ABCC12: variants seen among roughly 807,000 people sequenced by gnomAD.
ABCC12 encodes the protein ATP binding cassette subfamily C member 12.
A neutral mutation model predicts 151.1 loss-of-function variants in ABCC12; 142 were observed. That is an observed-to-expected ratio of 0.94 (90% CI 0.82 to 1.08). ABCC12 has a LOEUF of 1.08. ABCC12 is among the 50% of genes least tolerant of loss of function. ABCC12 has a pLI of 0.00. For synonymous variants in ABCC12, 645 were observed against 646.4 expected (o/e 1.00, Z 0.03); for missense variants, 1,638 against 1,691.1 (o/e 0.97, Z 0.55).
In ABCC12 at chr16:48,115,477, C is replaced by G. The variant is rs1963845904; in HGVS notation, c.1927G>C (p.Glu643Gln). The change falls in exon 15 of 31, where the codon GAG becomes CAG. Residue 643 changes from glutamate to glutamine, a missense_variant. Physicochemically the swap from Glu to Gln is conservative, Grantham distance 29 (BLOSUM62 2). Coordinates refer to ENST00000311303, the MANE Select transcript of ABCC12 (RefSeq NM_001393797.1). ...VDAHVGKHVFEECIKKTLRGK... is the reference protein window; with the variant it reads ...VDAHVGKHVFQECIKKTLRGK... ...CTGAGCGTCTTCTTAATGCACTCCT[C>G]AAAGACGTGCTTCCCCACGTGGGCG... 6.2e-7 allele frequency: 1 copy of G among 1,614,230 alleles called. No individual in the cohort carries two copies. Among genetic ancestry groups the G allele is most frequent in the Non-Finnish European group, 8.5e-7 (1 of 1,180,044 alleles).
At chr16:48,115,989 G>T (rs1963871747) in intron 14 of ABCC12, among the ~76,000 whole-genome samples, 1 of 152,222 alleles carries the variant, frequency 6.6e-6, no homozygotes, top group South Asian at 2.1e-4. Flanking sequence ...GAATGCAGCA[G>T]TGAACCAGAG....
rs1444738765 is a variant in ABCC12 at position 48,082,128 on chromosome 16, C to T, written c.*1587G>A. Among the ~76,000 whole-genome samples the T allele has an allele frequency of 6.6e-6, 1 of 152,204 alleles. No homozygotes were observed. The highest frequency in any genetic ancestry group is 1.5e-5 in the Non-Finnish European group (1 of 68,042). ...ACACTGTGTCCCTTCACAGAGAGAT[C>T]CACACTTGGCCTGGAGCTGCCCACA... On this transcript the variant is annotated 3_prime_UTR_variant, in exon 31 of 31. Coordinates refer to ENST00000311303, the MANE Select transcript of ABCC12 (RefSeq NM_001393797.1).
chr16:48,128,786 A>G (rs2150651282), intron 10 of ABCC12, 49 bp from the exon 11 acceptor site: 1 of 1,578,810 alleles, frequency 6.3e-7, no homozygotes, highest in Admixed American at 1.7e-5. Flanking sequence ...TCCATTTGCA[A>G]GAATCATCCC....
chr16:48,141,807 A>G (rs1567457860), intron 4 of ABCC12, among the ~76,000 whole-genome samples: 1 of 152,158 alleles, frequency 6.6e-6, no homozygotes, highest in South Asian at 2.1e-4. Context: ...ACCTTGGGGG[A>G]CTTCACAAGA....
intron 2 of ABCC12, among the ~76,000 whole-genome samples, chr16:48,149,483 C>A (rs1037382086): frequency 2.0e-5 from 3 of 151,978 alleles, no homozygotes; most frequent in Non-Finnish European, 4.4e-5. Context: ...TATAAACACA[C>A]AAATAAGCTA....
intron 6 of ABCC12, 43 bp from the exon 7 acceptor site, chr16:48,139,379 T>G (rs759683509): frequency 3.2e-6 from 5 of 1,543,650 alleles, no homozygotes; most frequent in Admixed American, 4.2e-5. Context: ...GAAGAGTCAG[T>G]CAAACATGTC....
At chr16:48,086,482 A>G in intron 28 of ABCC12, 1 of 368,688 alleles carries the variant, frequency 2.7e-6, no homozygotes, top group Non-Finnish European at 5.0e-6. Flanking sequence ...TAGGGGTAAG[A>G]GTACCAACCT....
chr16:48,081,660 C>T lies in ABCC12; in HGVS notation c.*2055G>A, dbSNP rs530833361. On this transcript the variant is annotated 3_prime_UTR_variant, in exon 31 of 31. Coordinates refer to ENST00000311303, the MANE Select transcript of ABCC12 (RefSeq NM_001393797.1). ...GAAAAAATGCTTGTCACAGTCCTGGCACACTGCAAGGTCTCAGTAGACATC... is the reference window on the plus strand; with the variant it reads ...GAAAAAATGCTTGTCACAGTCCTGGTACACTGCAAGGTCTCAGTAGACATC... 1.3e-3 allele frequency among the ~76,000 whole-genome samples: 196 copies of T among 152,324 alleles called. No individual in the cohort carries two copies. Among genetic ancestry groups the T allele is most frequent in the African/African-American group, 4.4e-3 (184 of 41,570 alleles).
chr16:48,155,870 G>T lies in ABCC12; in HGVS notation c.-349C>A. The T allele has an allele frequency of 6.6e-6, 1 of 152,448 alleles. No individual in the cohort carries two copies. Among genetic ancestry groups the T allele is most frequent in the Non-Finnish European group, 1.5e-5 (1 of 68,142 alleles). 9.4% of individuals were successfully genotyped at this position (152,448 alleles called of 1,614,324 possible). A position where few individuals can be genotyped will look rare whatever the true frequency, so the allele number is the denominator to read the frequency against. On this transcript the variant is annotated 5_prime_UTR_variant, in exon 1 of 31. Coordinates refer to ENST00000311303, the MANE Select transcript of ABCC12 (RefSeq NM_001393797.1). ...GCTGAGGATGAGAGGGAGGGGAGGA[G>T]GGTCAGCAGTCATGGGGCTCAGAGC... is the stretch of plus-strand genomic sequence containing the variant.
In ABCC12 at chr16:48,086,615, C is replaced by T. The variant is rs527388104; in HGVS notation, c.3714+126G>A. On this transcript the variant is annotated intron_variant, in intron 28 of 30. Coordinates refer to ENST00000311303, the MANE Select transcript of ABCC12 (RefSeq NM_001393797.1). ...CTAAGGATTATGTTCTACTGACTTA[C>T]GTGGTGTCTACAAATAAACCTGGCT... 1.8e-3 allele frequency: 1,342 copies of T among 765,666 alleles called. 4 individuals are homozygous for T. The highest frequency in any genetic ancestry group is 7.3e-3 in the South Asian group (476 of 65,258). The allele number at this position is 765,666 out of a possible 1,614,324, so 47.4% of individuals were successfully genotyped here.
chr16:48,124,327 T>C (rs750429559), intron 11 of ABCC12, 43 bp from the exon 12 acceptor site: 18 of 1,599,686 alleles, frequency 1.1e-5, no homozygotes, highest in Non-Finnish European at 1.5e-5. Flanking sequence ...TCTCTCCCAC[T>C]TCTTAGAGGG....
rs781700815 is a variant in ABCC12 at position 48,115,522 on chromosome 16, C to G, written c.1882G>C (p.Asp628His). 7 of 1,614,094 alleles carry G rather than the reference C, an allele frequency of 4.3e-6. No individual in the cohort carries two copies. Among genetic ancestry groups the G allele is most frequent in the African/African-American group, 1.3e-5 (1 of 74,950 alleles). Residue 628 changes from aspartate to histidine, a missense_variant, in exon 15 of 31, where the codon GAC becomes CAC. Coordinates refer to ENST00000311303, the MANE Select transcript of ABCC12 (RefSeq NM_001393797.1). ...YSDRQLYLLD[D>H]PLSAVDAHVG... is the part of the protein sequence containing the mutation. ...TGGGCGTCCACGGCCGACAGGGGGTCGTCCAGCAGGTAGAGCTGACGGTCG... is the reference window on the plus strand; with the variant it reads ...TGGGCGTCCACGGCCGACAGGGGGTGGTCCAGCAGGTAGAGCTGACGGTCG...
At chr16:48,141,896 C>T (rs1378088692) in intron 4 of ABCC12, among the ~76,000 whole-genome samples, 3 of 152,098 alleles carry the variant, frequency 2.0e-5, no homozygotes, top group Non-Finnish European at 2.9e-5. Flanking sequence ...TTTTTTAAGC[C>T]GATGTGACAA....
intron 2 of ABCC12, 23 bp from the exon 3 acceptor site, chr16:48,146,497 G>A (rs1965008981): frequency 1.6e-6 from 2 of 1,223,228 alleles, no homozygotes; most frequent in Non-Finnish European, 2.4e-6. Context: ...AATGGCAAAG[G>A]TTATTGAGAG....
chr16:48,092,317 G>A (rs2150588418), intron 24 of ABCC12, among the ~76,000 whole-genome samples: 1 of 152,316 alleles, frequency 6.6e-6, no homozygotes, highest in South Asian at 2.1e-4. Context: ...GTGTGTCTGT[G>A]AGATGTTACC....
chr16:48,091,151 G>A lies in ABCC12; in HGVS notation c.3254C>T (p.Thr1085Ile). The A allele has an allele frequency of 6.2e-7, 1 of 1,614,174 alleles. No individual in the cohort carries two copies. Among genetic ancestry groups the A allele is most frequent in the Non-Finnish European group, 8.5e-7 (1 of 1,180,024 alleles). ...RTGTETQAKFTSVELLREYIS... is the reference protein window; with the variant it reads ...RTGTETQAKFISVELLREYIS... Reference sequence around the variant, plus strand: ...GTATTCCCTGAGCAGCTCCACGGAGGTGAATTTGGCTTGCGTCTCTGTTCC... The same window carrying A: ...GTATTCCCTGAGCAGCTCCACGGAGATGAATTTGGCTTGCGTCTCTGTTCC... The change falls in exon 25 of 31, where the codon ACC becomes ATC. Residue 1085 changes from threonine to isoleucine, a missense_variant. Coordinates refer to ENST00000311303, the MANE Select transcript of ABCC12 (RefSeq NM_001393797.1).
In ABCC12 at chr16:48,117,276, A is replaced by T; in HGVS notation, c.1770T>A (p.Tyr590Ter). Reference protein sequence around the residue: ...GLQKDLSNLPYGDLTEIGERG... With the variant: ...GLQKDLSNLP ...CCCCGCTCACCTCAGTCAGGTCTCC[A>T]TAGGGGAGGTTGCTCAGGTCCTTCT... is the stretch of plus-strand genomic sequence containing the variant. The change falls in exon 14 of 31, where the codon TAT becomes TAA. Residue 590 changes from tyrosine (Y) to a stop codon, truncating the protein, a stop_gained. Transcript: ENST00000311303. LOFTEE classifies it high-confidence loss of function. The T allele has an allele frequency of 2.5e-6, 4 of 1,613,736 alleles. No individual in the cohort carries two copies. The highest frequency in any genetic ancestry group is 3.4e-6 in the Non-Finnish European group (4 of 1,179,890).
chr16:48,143,769 C>T, intron 4 of ABCC12, 141 bp downstream of exon 4: 1 of 1,106,650 alleles, frequency 9.0e-7, no homozygotes, highest in Non-Finnish European at 1.3e-6. Context: ...TCACCTTCCA[C>T]CATGATTGTG....
At position 48,081,774 on chromosome 16, in the gene ABCC12, A is replaced by G. The variant is rs917811485; in HGVS notation, c.*1941T>C. Among the ~76,000 whole-genome samples the G allele has an allele frequency of 2.0e-5, 3 of 152,198 alleles. No homozygotes were observed. The highest frequency in any genetic ancestry group is 6.5e-5 in the Admixed American group (1 of 15,282). ...GTCATAGGAGGTGATTCATCTCTCAATGCATCTGAAGGAGCAGCAGGGATC... is the reference window on the plus strand; with the variant it reads ...GTCATAGGAGGTGATTCATCTCTCAGTGCATCTGAAGGAGCAGCAGGGATC... On this transcript the variant is annotated 3_prime_UTR_variant, in exon 31 of 31. Transcript: ENST00000311303.
Sources: allele counts gnomAD v4.1 joint callset (sites outside exome capture counted in the v4.1 genomes callset), GRCh38; gene constraint gnomAD v4.1.1; transcripts MANE v1.5; gene names NCBI Gene and HGNC (gene_info 2026-07-23, HGNC 2026-07-21).